CFAP251: variants seen among roughly 807,000 people sequenced by gnomAD.
CFAP251 encodes cilia- and flagella-associated protein 251.
A neutral mutation model predicts 126.7 loss-of-function variants in CFAP251; 93 were observed. The observed-to-expected ratio is 0.73, with a 90% confidence interval of 0.62 to 0.87. The LOEUF (loss-of-function observed/expected upper bound fraction) is 0.87. Among genes scored for constraint, CFAP251 ranks in the 40% least tolerant of loss-of-function variants. The pLI, the probability that CFAP251 is intolerant of heterozygous loss-of-function variation, is 0.00. For missense variants in CFAP251, 1,287 were observed against 1,389.2 expected (o/e 0.93, Z 1.17); for synonymous variants, 503 against 506.9 (o/e 0.99, Z 0.10).
At chr12:121,925,642 G>A (rs938960751) in intron 3 of CFAP251, among the ~76,000 whole-genome samples, 1 of 150,798 alleles carries the variant, frequency 6.6e-6, no homozygotes, top group Non-Finnish European at 1.5e-5. Flanking sequence ...AAAGACTCTT[G>A]TCTTGTTTAG....
At chr12:122,001,691 A>T (rs1180265540) in intron 21 of CFAP251, 93 bp downstream of exon 21, 10 of 958,240 alleles carry the variant, frequency 1.0e-5, no homozygotes, top group Non-Finnish European at 1.7e-5. Flanking sequence ...GGTGCAAGCC[A>T]CTCTCCCTAA....
chr12:121,949,242 A>C, intron 8 of CFAP251, 181 bp downstream of exon 8: 1 of 342,550 alleles, frequency 2.9e-6, no homozygotes, highest in Non-Finnish European at 5.3e-6. Flanking sequence ...ATATTAAATC[A>C]AAAGCAAATA....
chr12:121,964,229 T>C (rs1882046777), intron 15 of CFAP251, among the ~76,000 whole-genome samples: 3 of 152,302 alleles, frequency 2.0e-5, no homozygotes, highest in South Asian at 2.1e-4. Flanking sequence ...AGAAATGCCA[T>C]GTTTTATGGT....
In CFAP251 at chr12:121,987,715, C is replaced by CA. The variant is rs67772162; in HGVS notation, c.3007-11983dup. Among the ~76,000 whole-genome samples the CA allele has an allele frequency of 7.1e-3, 605 of 84,780 alleles. 3 individuals are homozygous for CA. The highest frequency in any genetic ancestry group is 0.035 in the Middle Eastern group (6 of 170). The allele number at this position is 84,780 out of a possible 152,430, so 55.6% of individuals were successfully genotyped here. Reference sequence around the variant, plus strand: ...GGGCAAGAAAAGCGAGACTCCGTCTCAAAAAAAAAAAAAAAAAAGAATACA... The same window carrying CA: ...GGGCAAGAAAAGCGAGACTCCGTCTCAAAAAAAAAAAAAAAAAAAGAATACA... On this transcript the variant is annotated intron_variant, in intron 19 of 21. Coordinates refer to ENST00000288912, the MANE Select transcript of CFAP251 (RefSeq NM_144668.6).
chr12:121,936,564 G>A (rs1449170577), intron 5 of CFAP251, among the ~76,000 whole-genome samples: 2 of 152,176 alleles, frequency 1.3e-5, no homozygotes, highest in Non-Finnish European at 2.9e-5. Context: ...GGATACTGTG[G>A]GGCTGAACAC....
In CFAP251 at chr12:121,921,536, T is replaced by TG. The variant is rs762113716; in HGVS notation, c.232dup (p.Glu78GlyfsTer39). 1 of 1,613,350 alleles carries TG rather than the reference T, an allele frequency of 6.2e-7. No individual in the cohort carries two copies. The highest frequency in any genetic ancestry group is 1.7e-5 in the Admixed American group (1 of 59,904). On this transcript the variant is annotated frameshift_variant, in exon 2 of 22. Coordinates refer to ENST00000288912, the MANE Select transcript of CFAP251 (RefSeq NM_144668.6). LOFTEE classifies it high-confidence loss of function. Reference sequence around the variant, plus strand: ...ACAAAAAGATTGTCATGGAAGAAACTGAGGAAAAGGCTGGAGAAGTCCAAG... The same window carrying TG: ...ACAAAAAGATTGTCATGGAAGAAACTGGAGGAAAAGGCTGGAGAAGTCCAAG...
chr12:121,970,724 G>A (rs949532990), intron 17 of CFAP251, among the ~76,000 whole-genome samples: 1 of 152,262 alleles, frequency 6.6e-6, no homozygotes, highest in African/African-American at 2.4e-5. Context: ...GGGATCGCAT[G>A]TAGCTACACC....
chr12:121,984,603 G>A (rs540627872), intron 19 of CFAP251, among the ~76,000 whole-genome samples: 93 of 152,210 alleles, frequency 6.1e-4, no homozygotes, highest in African/African-American at 2.1e-3. Flanking sequence ...CACGGCGCCC[G>A]GCCTAGAAAT....
rs1342883632 is a variant in CFAP251, at chr12:121,967,044, A to G, written c.2582A>G (p.Tyr861Cys). 6.2e-7 allele frequency: 1 copy of G among 1,614,224 alleles called. No individual in the cohort carries two copies. The highest frequency in any genetic ancestry group is 1.3e-5 in the African/African-American group (1 of 75,062). The change falls in exon 16 of 22, where the codon TAC (tyrosine) becomes TGC (cysteine). Residue 861 changes from tyrosine (Y) to cysteine (C), a missense_variant. Transcript: ENST00000288912. ...AGCATGGCGGAGCTACAGAAACGCT[A>G]CTTGGTGTTTATTAACAGAGACAAG... ...VRSMAELQKRYLVFINRDKVG... is the reference protein window; with the variant it reads ...VRSMAELQKRCLVFINRDKVG...
chr12:121,980,854 T>C (rs74919806), intron 19 of CFAP251, among the ~76,000 whole-genome samples: 8 of 152,338 alleles, frequency 5.3e-5, no homozygotes, highest in Non-Finnish European at 1.0e-4. Context: ...AAGCACATCT[T>C]GGTGCAAACT....
chr12:121,972,367 G>A (rs1377787711), intron 17 of CFAP251, among the ~76,000 whole-genome samples: 1 of 152,260 alleles, frequency 6.6e-6, no homozygotes, highest in Non-Finnish European at 1.5e-5. Context: ...AACTTGTTGG[G>A]AACTGGAGCA....
chr12:121,997,751 G>A (rs1404436684), intron 19 of CFAP251: 1 of 146,564 alleles, frequency 6.8e-6, no homozygotes, highest in African/African-American at 2.6e-5. Flanking sequence ...AAATACAATA[G>A]TTTGTTTTTT....
At chr12:121,969,590 A>G (rs2135794448) in intron 17 of CFAP251, 4 of 813,614 alleles carry the variant, frequency 4.9e-6, no homozygotes, top group East Asian at 1.3e-4. Flanking sequence ...GGCTCAAACA[A>G]TTCTCCTGCC....
intron 19 of CFAP251, among the ~76,000 whole-genome samples, chr12:121,993,548 A>G (rs1430026142): frequency 1.4e-5 from 2 of 139,622 alleles, no homozygotes; most frequent in Non-Finnish European, 3.1e-5. Context: ...CCGCCATCAC[A>G]TCTAGGAAGT....
At chr12:121,942,476 C>A in intron 5 of CFAP251, 58 bp from the exon 6 acceptor site, 1 of 1,295,958 alleles carries the variant, frequency 7.7e-7, no homozygotes. Flanking sequence ...TGCCCTGGGA[C>A]TCTCTGGGAA....
chr12:121,958,920 C>G, intron 12 of CFAP251, 23 bp from the exon 13 acceptor site: 1 of 1,562,634 alleles, frequency 6.4e-7, no homozygotes, highest in Non-Finnish European at 8.6e-7. Context: ...CCTTTTCCAT[C>G]GTTCTCTGGC....
chr12:121,967,143 C>G (rs974993959), intron 16 of CFAP251, 74 bp downstream of exon 16: 7 of 1,390,886 alleles, frequency 5.0e-6, no homozygotes, highest in East Asian at 2.3e-5. Flanking sequence ...CTGAAGATCA[C>G]GAGACTCAGA....
chr12:121,937,498 ATGT>A (rs763761965), intron 5 of CFAP251, among the ~76,000 whole-genome samples: 51 of 152,160 alleles, frequency 3.4e-4, no homozygotes, highest in Non-Finnish European at 6.5e-4. Flanking sequence ...AATGCACAGG[ATGT>A]TGTGAGGATC....
At chr12:122,000,281 G>A (rs1814592) in intron 20 of CFAP251, among the ~76,000 whole-genome samples, 39,469 of 152,186 alleles carry the variant, frequency 0.26, 6,062 homozygotes, top group East Asian at 0.49. Context: ...GCCGGGCGCA[G>A]TGGCTCATGC....
Sources: allele counts gnomAD v4.1 joint callset (sites outside exome capture counted in the v4.1 genomes callset), GRCh38; gene constraint gnomAD v4.1.1; transcripts MANE v1.5; gene names NCBI Gene and HGNC (gene_info 2026-07-23, HGNC 2026-07-21).